The following ITIH5 variants were observed in gnomAD, a reference collection of about 807,000 sequenced individuals.
ITIH5 encodes inter-alpha-trypsin inhibitor heavy chain H5.
A neutral mutation model predicts 77.5 loss-of-function variants in ITIH5; 65 were observed. The ratio of observed to expected loss-of-function variants is 0.84; its 90% CI spans 0.69 to 1.03. ITIH5 has a LOEUF of 1.03. Among genes scored for constraint, ITIH5 ranks in the 50% least tolerant of loss-of-function variants. ITIH5 has a pLI of 0.00. For missense variants in ITIH5, 1,208 were observed against 1,213.1 expected, an observed-to-expected ratio of 1.00 and a Z score of 0.06; for synonymous variants, 525 against 494.3, an observed-to-expected ratio of 1.06 and a Z score of -0.82.
At chr10:7,586,517 C>T (rs1427765634) in intron 7 of ITIH5, among the ~76,000 whole-genome samples, 2 of 152,124 alleles carry the variant, frequency 1.3e-5, no homozygotes, top group Non-Finnish European at 2.9e-5. Context: ...CAATGCATTC[C>T]TATTATAAAG....
At chr10:7,580,254 G>A (rs7089448) in intron 8 of ITIH5, among the ~76,000 whole-genome samples, 190 bp from the exon 9 acceptor site, 132,919 of 152,210 alleles carry the variant, frequency 0.87, 58,298 homozygotes, top group East Asian at 1. Context: ...CCGAGTAGCT[G>A]GGATTACAGG....
chr10:7,616,005 T>A lies in ITIH5; in HGVS notation c.916A>T (p.Met306Leu). 6.2e-7 allele frequency: 1 copy of A among 1,610,984 alleles called. No homozygotes were observed. Among genetic ancestry groups the A allele is most frequent in the Non-Finnish European group, 8.5e-7 (1 of 1,177,194 alleles). ...VVFVLDSSAS[M>L]VGTKLRQTKD... Reference sequence around the variant, plus strand: ...ACCTGCCGGAGTTTGGTTCCCACCATAGAAGCACTGCTGTCAAGCACGAAT... The same window carrying A: ...ACCTGCCGGAGTTTGGTTCCCACCAAAGAAGCACTGCTGTCAAGCACGAAT... The change falls in exon 7 of 14, where the codon ATG becomes TTG. Residue 306 changes from methionine to leucine, a missense_variant. Transcript: ENST00000397146.
Position 7,559,900 on chromosome 10 carries a change from G to C in ITIH5, c.*3183C>G, listed in dbSNP as rs1194072014. 4.4e-6 allele frequency: 2 copies of C among 451,370 alleles called. No individual in the cohort carries two copies. Among genetic ancestry groups the C allele is most frequent in the Non-Finnish European group, 8.8e-6 (2 of 226,000 alleles). 28.0% of individuals were successfully genotyped at this position (451,370 alleles called of 1,614,324 possible). On this transcript the variant is annotated 3_prime_UTR_variant, in exon 14 of 14. Coordinates refer to ENST00000397146, the MANE Select transcript of ITIH5 (RefSeq NM_030569.7). ...GGAGTTTGGCTCTGTCACTCCAGCT[G>C]GAGTGCAGTGGCGTGATCTTGGCTC... is the stretch of plus-strand genomic sequence containing the variant.
intron 7 of ITIH5, among the ~76,000 whole-genome samples, chr10:7,588,317 G>A (rs1832724100): frequency 6.6e-6 from 1 of 152,160 alleles, no homozygotes; most frequent in Non-Finnish European, 1.5e-5. Flanking sequence ...TGAGGAGTTT[G>A]AAACCAGCCT....
At chr10:7,564,939 C>G (rs903445713) in intron 13 of ITIH5, among the ~76,000 whole-genome samples, 2 of 143,978 alleles carry the variant, frequency 1.4e-5, no homozygotes, top group Admixed American at 6.9e-5. Flanking sequence ...ATACACACAC[C>G]ATACATACAC....
intron 2 of ITIH5, among the ~76,000 whole-genome samples, chr10:7,654,852 A>G (rs1163775724): frequency 6.6e-6 from 1 of 151,640 alleles, no homozygotes; most frequent in African/African-American, 2.4e-5. Flanking sequence ...GATTATGTGA[A>G]CATGGAGAAA....
intron 2 of ITIH5, among the ~76,000 whole-genome samples, chr10:7,644,509 TGATATATATCA>T (rs1376922426): frequency 1.5e-5 from 2 of 130,896 alleles, no homozygotes; most frequent in Non-Finnish European, 3.2e-5. Flanking sequence ...CACATATATA[TGATATATATCA>T]CATATATATG....
intron 1 of ITIH5, among the ~76,000 whole-genome samples, chr10:7,662,977 T>C (rs1834303385): frequency 6.6e-6 from 1 of 152,228 alleles, no homozygotes; most frequent in Non-Finnish European, 1.5e-5. Flanking sequence ...AATCTGGAAA[T>C]GTCCAATTCA....
intron 12 of ITIH5, among the ~76,000 whole-genome samples, chr10:7,568,629 C>G (rs1049982631): frequency 1.3e-5 from 2 of 152,202 alleles, no homozygotes; most frequent in African/African-American, 4.8e-5. Flanking sequence ...ATATCACCTG[C>G]TGGGGGACCC....
At chr10:7,581,042 C>T (rs542054375) in intron 8 of ITIH5, among the ~76,000 whole-genome samples, 77 of 152,154 alleles carry the variant, frequency 5.1e-4, no homozygotes, top group South Asian at 1.0e-3. Context: ...GGTGGATCAC[C>T]TGAGGTCAGG....
Position 7,580,004 on chromosome 10 carries a change from T to C in ITIH5, c.1169A>G (p.His390Arg). 6.2e-7 allele frequency: 1 copy of C among 1,613,936 alleles called. No individual in the cohort carries two copies. The highest frequency in any genetic ancestry group is 8.5e-7 in the Non-Finnish European group (1 of 1,179,980). ...AIRLLNKYVA[H>R]SGIGDRSVSL... is the part of the protein sequence containing the mutation. The stretch of plus-strand genomic sequence containing the variant: ...CACGCTCCGGTCTCCAATGCCACTG[T>C]GGGCCACGTACTTGTTGAGGAGCCT... Residue 390 changes from histidine to arginine, a missense_variant, in exon 9 of 14, where the codon CAC becomes CGC. Transcript: ENST00000397146.
intron 13 of ITIH5, among the ~76,000 whole-genome samples, chr10:7,564,814 C>T (rs901804963): frequency 1.1e-4 from 16 of 150,166 alleles, no homozygotes; most frequent in African/African-American, 2.9e-4. Context: ...TGTATATATA[C>T]ACACACACAC....
At chr10:7,624,365 G>T (rs60610855) in intron 5 of ITIH5, among the ~76,000 whole-genome samples, 26,157 of 151,518 alleles carry the variant, frequency 0.17, 3,040 homozygotes, top group African/African-American at 0.33. Flanking sequence ...AACTTAGCGG[G>T]ACATGGTGGC....
chr10:7,565,988 T>A, intron 13 of ITIH5, 42 bp downstream of exon 13: 1 of 1,580,842 alleles, frequency 6.3e-7, no homozygotes. Context: ...GAAATGTAAC[T>A]CTGCCCTCTA....
At chr10:7,654,002 G>GA (rs2131104284) in intron 2 of ITIH5, among the ~76,000 whole-genome samples, 1 of 152,228 alleles carries the variant, frequency 6.6e-6, no homozygotes, top group Non-Finnish European at 1.5e-5. Flanking sequence ...TAAAAAAATA[G>GA]AAAAATTAGC....
intron 13 of ITIH5, among the ~76,000 whole-genome samples, chr10:7,563,667 A>G (rs1832084311): frequency 6.6e-6 from 1 of 152,244 alleles, no homozygotes; most frequent in Admixed American, 6.5e-5. Flanking sequence ...TCTCCTACTG[A>G]GTCCAGAGGA....
intron 7 of ITIH5, among the ~76,000 whole-genome samples, chr10:7,603,365 C>T (rs914319702): frequency 1.3e-5 from 2 of 151,986 alleles, no homozygotes; most frequent in Non-Finnish European, 1.5e-5. Context: ...GACAGGAAGC[C>T]GACTAGTAGT....
At chr10:7,632,937 AT>A (rs1833736009) in intron 5 of ITIH5, among the ~76,000 whole-genome samples, 1 of 152,220 alleles carries the variant, frequency 6.6e-6, no homozygotes, top group Non-Finnish European at 1.5e-5. Flanking sequence ...AGGGGTAGTA[AT>A]TTAGGCCATA....
chr10:7,618,865 A>G (rs1833421223), intron 5 of ITIH5: 1 of 152,230 alleles, frequency 6.6e-6, no homozygotes, highest in African/African-American at 2.4e-5. Flanking sequence ...CAAAATAGGC[A>G]ATTATTTTTC....
Sources: allele counts gnomAD v4.1 joint callset (sites outside exome capture counted in the v4.1 genomes callset), GRCh38; gene constraint gnomAD v4.1.1; transcripts MANE v1.5; gene names NCBI Gene and HGNC (gene_info 2026-07-23, HGNC 2026-07-21).